MCFD2: variants seen among roughly 807,000 people sequenced by gnomAD.
The protein encoded by MCFD2 is multiple coagulation factor deficiency 2, ER cargo receptor complex subunit, also known as multiple coagulation factor deficiency protein 2.
Under a neutral mutation model 12.8 loss-of-function variants are expected in MCFD2, and 11 were observed. That is an observed-to-expected ratio of 0.86 (90% CI 0.54 to 1.42). The LOEUF is 1.42. MCFD2 is among the 40% of genes most tolerant of loss of function. The pLI is 0.00. For synonymous variants in MCFD2, 70 were observed against 68.1 expected (o/e 1.03, Z -0.14); for missense variants, 191 against 178.6 (o/e 1.07, Z -0.40).
chr2:46,907,921 C>T lies in MCFD2; in HGVS notation c.198G>A (p.Glu66=). 1 of 1,614,238 alleles carries T rather than the reference C, an allele frequency of 6.2e-7. No homozygotes were observed. The highest frequency in any genetic ancestry group is 8.5e-7 in the Non-Finnish European group (1 of 1,180,042). Reference sequence around the variant, plus strand: ...GGAGCTGCAATTCTTGTGGCGACATCTCCGCCTCTGGTTTGTTGATGACAC... The same window carrying T: ...GGAGCTGCAATTCTTGTGGCGACATTTCCGCCTCTGGTTTGTTGATGACAC... The part of the protein sequence containing the change: ...LEGVINKPEA[E]MSPQELQLHY... The change falls in exon 3 of 4, where the codon GAG becomes GAA. Residue 66 remains glutamate, a synonymous_variant. Transcript: ENST00000319466. This position sits in a 1 kb window ranked among gnomAD's most constrained non-coding sequence, Gnocchi z 4.1.
Position 46,907,088 on chromosome 2 carries a change from C to G in MCFD2, c.309+722G>C, listed in dbSNP as rs1668271463. The G allele has an allele frequency of 6.5e-6, 1 of 152,796 alleles. No homozygotes were observed. The highest frequency in any genetic ancestry group is 1.5e-5 in the Non-Finnish European group (1 of 68,502). 9.5% of individuals were successfully genotyped at this position (152,796 alleles called of 1,614,324 possible). On this transcript the variant is annotated intron_variant, in intron 3 of 3. Transcript: ENST00000319466. This position sits in a 1 kb window ranked among gnomAD's most constrained non-coding sequence, Gnocchi z 4.1. ...AACCTACTTGAAAGGGCTTCAGAAA[C>G]TTTGGAGCACCATACAGTATCACAC...
At position 46,940,866 on chromosome 2, in the gene MCFD2, AT is replaced by A. The variant is rs1670271451; in HGVS notation, c.-8+705del. ...GGGGCCTGTCGGCCGGCCTCTCCCC[AT>A]TTTTGTGACGTGTCAGGGGCAGCAG... is the stretch of plus-strand genomic sequence containing the variant. On this transcript the variant is annotated intron_variant, in intron 1 of 2. Transcript: ENST00000409147. This position sits in a 1 kb window ranked among gnomAD's most constrained non-coding sequence, Gnocchi z 4.7. 6.6e-6 allele frequency among the ~76,000 whole-genome samples: 1 copy of A among 151,810 alleles called. No homozygotes were observed. The highest frequency in any genetic ancestry group is 2.4e-5 in the African/African-American group (1 of 41,324).
At chr2:46,928,122 G>T (rs1470991879) in intron 1 of MCFD2, among the ~76,000 whole-genome samples, 1 of 151,546 alleles carries the variant, frequency 6.6e-6, no homozygotes, top group Non-Finnish European at 1.5e-5. Flanking sequence ...TAACTCCTCG[G>T]CTCAGGTGAT....
chr2:46,931,480 C>G (rs1669697931), intron 1 of MCFD2, among the ~76,000 whole-genome samples: 1 of 151,916 alleles, frequency 6.6e-6, no homozygotes, highest in Non-Finnish European at 1.5e-5. Context: ...TCCATGAGCC[C>G]AATATAATCA....
chr2:46,932,395 C>G (rs907640261), intron 1 of MCFD2, among the ~76,000 whole-genome samples: 1 of 152,160 alleles, frequency 6.6e-6, no homozygotes, highest in Non-Finnish European at 1.5e-5. Flanking sequence ...ATGATCCTCG[C>G]ACCTTGGCCT....
intron 3 of MCFD2, chr2:46,906,920 C>CCTCA (rs1440865545): frequency 4.6e-5 from 7 of 152,272 alleles, no homozygotes; most frequent in African/African-American, 1.7e-4. Flanking sequence ...CTTGCCACAG[C>CCTCA]CTCAACCTCT....
In MCFD2 at chr2:46,902,001, C is replaced by G. The variant is rs1223368545; in HGVS notation, c.*3462G>C. ...CTGCACAAATACTTGACACAGGAAA[C>G]CATTTTTACAAATACATATGTTTTC... On this transcript the variant is annotated 3_prime_UTR_variant, in exon 4 of 4. Coordinates refer to ENST00000319466, the MANE Select transcript of MCFD2 (RefSeq NM_139279.6). The G allele has an allele frequency of 6.6e-6, 1 of 152,628 alleles. No homozygotes were observed. The highest frequency in any genetic ancestry group is 1.5e-5 in the Non-Finnish European group (1 of 68,036). 9.5% of individuals were successfully genotyped at this position (152,628 alleles called of 1,614,324 possible). A position where few individuals can be genotyped will look rare whatever the true frequency, so the allele number is the denominator to read the frequency against.
At chr2:46,939,630 T>C (rs187624199) in intron 1 of MCFD2, among the ~76,000 whole-genome samples, 1 of 152,248 alleles carries the variant, frequency 6.6e-6, no homozygotes, top group East Asian at 1.9e-4. Context: ...AAGGAGGTCT[T>C]ATTTCTGCCA....
In MCFD2 at chr2:46,909,076, G is replaced by A. The variant is rs184835883; in HGVS notation, c.96C>T (p.Ser32=). The change falls in exon 2 of 4, where the codon AGC becomes AGT. Residue 32 remains serine, a synonymous_variant. Coordinates refer to ENST00000319466, the MANE Select transcript of MCFD2 (RefSeq NM_139279.6). ...PGARAEEPAA[S]FSQPGSMGLD... is the part of the protein sequence containing the mutation. ...GGCCCATGCTGCCGGGTTGGGAGAA[G>A]CTGGCTGCAGGCTCCTCAGCCCTGG... 2.4e-5 allele frequency: 38 copies of A among 1,614,252 alleles called. No homozygotes were observed. Among genetic ancestry groups the A allele is most frequent in the Admixed American group, 3.3e-5 (2 of 60,036 alleles).
At chr2:46,924,091 C>G (rs146144054) in intron 1 of MCFD2, among the ~76,000 whole-genome samples, 63 of 151,992 alleles carry the variant, frequency 4.1e-4, no homozygotes, top group Non-Finnish European at 7.4e-4. Flanking sequence ...TGTAGTCCAG[C>G]TACCCAGGAG....
rs540828225 is a variant in MCFD2, at chr2:46,908,464, A to G, written c.150-495T>C. 2 of 270,322 alleles carry G rather than the reference A, an allele frequency of 7.4e-6. No individual in the cohort carries two copies. Among genetic ancestry groups the G allele is most frequent in the South Asian group, 3.9e-5 (1 of 25,582 alleles). 16.7% of individuals were successfully genotyped at this position (270,322 alleles called of 1,614,324 possible). A position where few individuals can be genotyped will look rare whatever the true frequency, so the allele number is the denominator to read the frequency against. ...TTTTTAGTAGAGACAGGTTTTCCCT[A>G]TATTGCCTAGGCTGGTCTCGAATTC... On this transcript the variant is annotated intron_variant, in intron 2 of 3. Coordinates refer to ENST00000319466, the MANE Select transcript of MCFD2 (RefSeq NM_139279.6). The surrounding 1 kb of genome is among the most constrained non-coding windows in gnomAD (Gnocchi z 4.5).
At chr2:46,925,944 A>G (rs1278064951) in intron 1 of MCFD2, among the ~76,000 whole-genome samples, 1 of 152,162 alleles carries the variant, frequency 6.6e-6, no homozygotes, top group African/African-American at 2.4e-5. Context: ...GTCAGCTAAG[A>G]TCTTATTTTT....
chr2:46,914,971 G>T (rs992796011), intron 1 of MCFD2, among the ~76,000 whole-genome samples: 3 of 152,238 alleles, frequency 2.0e-5, no homozygotes, highest in Admixed American at 2.0e-4. Context: ...GAAGAGCAAT[G>T]AGAATCCACC....
In MCFD2 at chr2:46,940,079, G is replaced by C. The variant is rs529476351; in HGVS notation, c.-8+1493C>G. Reference sequence around the variant, plus strand: ...GGGGGTCAGTGGGAACAGGAAGACTGTCTTCAACTAATCACCCTGTGTGGC... The same window carrying C: ...GGGGGTCAGTGGGAACAGGAAGACTCTCTTCAACTAATCACCCTGTGTGGC... On this transcript the variant is annotated intron_variant, in intron 1 of 2. Coordinates refer to the MCFD2 transcript ENST00000409147. The surrounding 1 kb of genome is among the most constrained non-coding windows in gnomAD (Gnocchi z 4.7). Among the ~76,000 whole-genome samples, 1 of 152,228 alleles carries C rather than the reference G, an allele frequency of 6.6e-6. No homozygotes were observed. Among genetic ancestry groups the C allele is most frequent in the African/African-American group, 2.4e-5 (1 of 41,524 alleles).
intron 1 of MCFD2, among the ~76,000 whole-genome samples, chr2:46,921,379 A>G (rs550990768): frequency 7.0e-4 from 107 of 152,352 alleles, no homozygotes; most frequent in African/African-American, 2.4e-3. Context: ...GTAGAAATGG[A>G]AATGCTTAAA....
rs575502580 is a variant in MCFD2 at position 46,909,106 on chromosome 2, T to C, written c.66A>G (p.Pro22=). The stretch of plus-strand genomic sequence containing the variant: ...CTGCAGGCTCCTCAGCCCTGGCGCC[T>C]GGGGCACAAAAGGCCCAGAGCAGGC... ...LCGLLWAFCA[P]GARAEEPAAS... Residue 22 remains proline (P), a synonymous_variant, in exon 2 of 4, where the codon CCA becomes CCG. Coordinates refer to ENST00000319466, the MANE Select transcript of MCFD2 (RefSeq NM_139279.6). The C allele has an allele frequency of 4.3e-5, 70 of 1,614,212 alleles. 3 individuals carry two copies. The highest frequency in any genetic ancestry group is 3.2e-4 in the South Asian group (29 of 91,082).
At chr2:46,927,236 A>T (rs749424816) in intron 1 of MCFD2, among the ~76,000 whole-genome samples, 5 of 152,154 alleles carry the variant, frequency 3.3e-5, no homozygotes, top group Non-Finnish European at 7.4e-5. Context: ...CAAGATCAGG[A>T]TCAAAAAGAG....
At chr2:46,924,050 TA>T (rs1306854660) in intron 1 of MCFD2, among the ~76,000 whole-genome samples, 1 of 151,908 alleles carries the variant, frequency 6.6e-6, no homozygotes, top group Admixed American at 6.6e-5. Context: ...GAAAATTTTT[TA>T]AAAAATAGCC....
upstream of MCFD2, chr2:46,915,807 C>CGGGGGGGGGGGGGGGGGGCG: frequency 1.2e-5 from 1 of 84,836 alleles, no homozygotes; most frequent in Non-Finnish European, 1.5e-5. Flanking sequence ...CTCGGCTTCG[C>CGGGGGGGGGGGGGGGGGGCG]CCCGCCCCCC....
Sources: allele counts gnomAD v4.1 joint callset (sites outside exome capture counted in the v4.1 genomes callset), GRCh38; gene constraint gnomAD v4.1.1; non-coding constraint Gnocchi (gnomAD v3.1); transcripts MANE v1.5; gene names NCBI Gene and HGNC (gene_info 2026-07-23, HGNC 2026-07-21).